The following PCCB variants were observed in gnomAD, a reference collection of about 807,000 sequenced individuals.
The protein encoded by PCCB is propionyl-CoA carboxylase subunit beta.
In PCCB, 43 loss-of-function variants were observed where a neutral mutation model predicts 60.7. The ratio of observed to expected loss-of-function variants is 0.71; its 90% CI spans 0.55 to 0.91. The LOEUF (loss-of-function observed/expected upper bound fraction) is 0.91. Among genes scored for constraint, PCCB ranks in the 40% least tolerant of loss-of-function variants. PCCB has a pLI of 0.00. For synonymous variants in PCCB, 276 were observed against 255.9 expected (o/e 1.08, Z -0.75); for missense variants, 766 against 702.8 (o/e 1.09, Z -1.02).
chr3:136,290,352 C>G (rs1933618586), intron 6 of PCCB, among the ~76,000 whole-genome samples: 1 of 152,140 alleles, frequency 6.6e-6, no homozygotes, highest in Non-Finnish European at 1.5e-5. Flanking sequence ...TCATTCCACT[C>G]TCTTCGTTCT....
At position 136,256,583 on chromosome 3, in the gene PCCB, G is replaced by A. The variant is rs757534748; in HGVS notation, c.332G>A (p.Arg111Gln). ...KFPGDSVVTG[R>Q]GRINGRLVYV... ...CCTGGAGACAGCGTGGTCACTGGACGAGGCCGAATCAATGGAAGATTGGTT... is the reference window on the plus strand; with the variant it reads ...CCTGGAGACAGCGTGGTCACTGGACAAGGCCGAATCAATGGAAGATTGGTT... The change falls in exon 3 of 15, where the codon CGA becomes CAA. Residue 111 changes from arginine (R) to glutamine (Q), a missense_variant. Physicochemically the swap from Arg to Gln is conservative, Grantham distance 43. Transcript: ENST00000251654. 2.5e-5 allele frequency: 40 copies of A among 1,613,214 alleles called. No homozygotes were observed. Among genetic ancestry groups the A allele is most frequent in the African/African-American group, 4.0e-5 (3 of 74,874 alleles).
At chr3:136,320,914 G>A (rs1935085104) in intron 10 of PCCB, among the ~76,000 whole-genome samples, 1 of 152,142 alleles carries the variant, frequency 6.6e-6, no homozygotes, top group East Asian at 1.9e-4. Context: ...TGTTAAGGGA[G>A]GAAAACCTAA....
intron 14 of PCCB, 97 bp downstream of exon 14, chr3:136,328,954 G>A (rs1935434927): frequency 2.0e-6 from 2 of 980,548 alleles, no homozygotes; most frequent in Non-Finnish European, 3.2e-6. Context: ...TTTTGCCTTT[G>A]CAGTCTAATC....
At chr3:136,268,906 A>T (rs748992697) in intron 5 of PCCB, among the ~76,000 whole-genome samples, 4 of 152,202 alleles carry the variant, frequency 2.6e-5, no homozygotes, top group Non-Finnish European at 5.9e-5. Context: ...CTGTTTATGT[A>T]GCTCTATACT....
intron 5 of PCCB, among the ~76,000 whole-genome samples, chr3:136,264,432 G>A (rs944016293): frequency 9.8e-6 from 1 of 101,892 alleles, no homozygotes; most frequent in Admixed American, 8.6e-5. Context: ...TCATATATAT[G>A]TGTGTGTGTA....
intron 6 of PCCB, among the ~76,000 whole-genome samples, chr3:136,287,060 C>T (rs142121328): frequency 0.012 from 1,748 of 151,368 alleles, 32 homozygotes; most frequent in East Asian, 0.047. Flanking sequence ...ATAAAAATAA[C>T]CCAGGTCAGG....
rs185392523 is a variant in PCCB, at chr3:136,315,458, C to T, written c.967-1483C>T. On this transcript the variant is annotated intron_variant, in intron 9 of 14. Coordinates refer to ENST00000251654, the MANE Select transcript of PCCB (RefSeq NM_000532.5). ...AGGAGAATTGCTTGAACCCAGGGGG[C>T]GGAGATTGCAGTGAGCCGAGATCGT... 6.1e-3 allele frequency among the ~76,000 whole-genome samples: 931 copies of T among 152,200 alleles called. 4 individuals are homozygous for T. Among genetic ancestry groups the T allele is most frequent in the Non-Finnish European group, 9.5e-3 (643 of 67,996 alleles).
At chr3:136,263,421 A>G (rs1195977500) in intron 5 of PCCB, among the ~76,000 whole-genome samples, 1 of 151,686 alleles carries the variant, frequency 6.6e-6, no homozygotes, top group African/African-American at 2.4e-5. Flanking sequence ...ATGCACCACC[A>G]CATCCGGTGA....
chr3:136,300,166 A>ACATG (rs1934207495), intron 8 of PCCB, among the ~76,000 whole-genome samples: 2 of 128,582 alleles, frequency 1.6e-5, no homozygotes, highest in African/African-American at 6.9e-5. Context: ...ATATATACAC[A>ACATG]TATGTATATG....
intron 6 of PCCB, among the ~76,000 whole-genome samples, chr3:136,287,560 G>A (rs1410332897): frequency 6.6e-6 from 1 of 151,942 alleles, no homozygotes; most frequent in Non-Finnish European, 1.5e-5. Context: ...AGCCTCCCAT[G>A]TAGCTGGGAC....
chr3:136,251,549 C>T (rs1259535818), intron 1 of PCCB, among the ~76,000 whole-genome samples: 2 of 152,136 alleles, frequency 1.3e-5, no homozygotes, highest in Admixed American at 6.5e-5. Flanking sequence ...GACAAGGGTC[C>T]AAAGGTAACA....
chr3:136,253,193 C>G (rs957737336), intron 1 of PCCB, among the ~76,000 whole-genome samples: 4 of 148,986 alleles, frequency 2.7e-5, no homozygotes, highest in Admixed American at 6.8e-5. Context: ...GGGTTCATGC[C>G]GTTCTCCTGC....
intron 8 of PCCB, 27 bp from the exon 9 acceptor site, chr3:136,301,003 C>G: frequency 1.3e-6 from 2 of 1,586,408 alleles, no homozygotes; most frequent in Non-Finnish European, 1.7e-6. Flanking sequence ...CCTATGTTGA[C>G]TATACCTGCC....
intron 6 of PCCB, among the ~76,000 whole-genome samples, chr3:136,284,982 G>T (rs1325215550): frequency 1.3e-5 from 2 of 151,746 alleles, no homozygotes; most frequent in Non-Finnish European, 2.9e-5. Context: ...CAGCTACTTG[G>T]GAGGCTGAGG....
intron 6 of PCCB, among the ~76,000 whole-genome samples, chr3:136,285,216 C>G (rs1443235758): frequency 6.6e-6 from 1 of 152,164 alleles, no homozygotes; most frequent in Non-Finnish European, 1.5e-5. Flanking sequence ...ATTCTCTCCT[C>G]CTTCCTGCCT....
intron 5 of PCCB, among the ~76,000 whole-genome samples, chr3:136,263,100 G>A (rs986941328): frequency 3.3e-5 from 5 of 150,664 alleles, no homozygotes; most frequent in Admixed American, 6.6e-5. Flanking sequence ...GACTATAGGC[G>A]TCTGCCACCA....
chr3:136,316,987 A>G lies in PCCB; in HGVS notation c.1013A>G (p.Lys338Arg). 1 of 1,613,936 alleles carries G rather than the reference A, an allele frequency of 6.2e-7. No individual in the cohort carries two copies. The highest frequency in any genetic ancestry group is 1.1e-5 in the South Asian group (1 of 91,072). ...EFFEIMPNYAKNIIVGFARMN... is the reference protein window; with the variant it reads ...EFFEIMPNYARNIIVGFARMN... Reference sequence around the variant, plus strand: ...TTTGAGATCATGCCCAATTATGCCAAGAACATCATTGTTGGTTTTGCAAGA... The same window carrying G: ...TTTGAGATCATGCCCAATTATGCCAGGAACATCATTGTTGGTTTTGCAAGA... The change falls in exon 10 of 15, where the codon AAG becomes AGG. Residue 338 changes from lysine (K) to arginine (R), a missense_variant. Transcript: ENST00000251654.
Position 136,256,615 on chromosome 3 carries a change from T to C in PCCB, c.364T>C (p.Phe122Leu). 6.2e-7 allele frequency: 1 copy of C among 1,608,162 alleles called. No homozygotes were observed. Among genetic ancestry groups the C allele is most frequent in the Non-Finnish European group, 8.5e-7 (1 of 1,174,506 alleles). ...GRINGRLVYV[F>L]SQDFTVFGGS... The stretch of plus-strand genomic sequence containing the variant: ...AATCAATGGAAGATTGGTTTATGTC[T>C]TCAGTCAGGTATTTCATAACTCCAA... Residue 122 changes from phenylalanine to leucine, a missense_variant, in exon 3 of 15, where the codon TTC becomes CTC. Transcript: ENST00000251654.
At chr3:136,260,385 T>C (rs1213479823) in intron 3 of PCCB, 94 bp from the exon 4 acceptor site, 1 of 1,132,790 alleles carries the variant, frequency 8.8e-7, no homozygotes, top group Non-Finnish European at 1.3e-6. Context: ...GCCTAAAAAC[T>C]TTTATCTGTG....
Sources: allele counts gnomAD v4.1 joint callset (sites outside exome capture counted in the v4.1 genomes callset), GRCh38; gene constraint gnomAD v4.1.1; transcripts MANE v1.5; gene names NCBI Gene and HGNC (gene_info 2026-07-23, HGNC 2026-07-21).